GBA1: variants seen among roughly 807,000 people sequenced by gnomAD.
GBA1 encodes lysosomal acid glucosylceramidase.
chr1:155,237,625 G>C, the GBA1 span: 3 of 1,607,390 alleles, frequency 1.9e-6, no homozygotes, highest in Non-Finnish European at 1.7e-6. Context: ...AAGTGGACCA[G>C]ACCAGCTGGG....
chr1:155,236,533 T>C, the GBA1 span: 4 of 1,315,506 alleles, frequency 3.0e-6, no homozygotes, highest in Non-Finnish European at 4.4e-6. Flanking sequence ...CTAGTTCCTG[T>C]TGTAGGAATC....
the GBA1 span, chr1:155,236,505 C>T: frequency 2.0e-6 from 3 of 1,525,752 alleles, no homozygotes; most frequent in African/African-American, 2.7e-5. Context: ...GGACCTTGCA[C>T]ACAGGCTTCT....
At chr1:155,242,686 C>T in the GBA1 span, among the ~76,000 whole-genome samples, 1 of 148,264 alleles carries the variant, frequency 6.7e-6, no homozygotes, top group Non-Finnish European at 1.5e-5. Flanking sequence ...AGTGTGATCT[C>T]GGCTCAAGCA....
chr1:155,238,471 C>T, the GBA1 span: 1 of 1,542,576 alleles, frequency 6.5e-7, no homozygotes, highest in Admixed American at 1.7e-5. Context: ...TTTCTCAACC[C>T]CCAGACATCA....
the GBA1 span, chr1:155,235,380 C>A: frequency 6.3e-7 from 1 of 1,592,916 alleles, no homozygotes; most frequent in Non-Finnish European, 8.5e-7. Flanking sequence ...TAAGAAGTCA[C>A]CCACCCACGG....
chr1:155,236,313 A>T, the GBA1 span: 1 of 1,614,192 alleles, frequency 6.2e-7, no homozygotes, highest in Admixed American at 1.7e-5. Context: ...TGCTCCCAGA[A>T]CTTGGAGCCC....
At chr1:155,238,763 G>A in the GBA1 span, 3 of 1,593,288 alleles carry the variant, frequency 1.9e-6, no homozygotes, top group South Asian at 2.2e-5. Context: ...AGGGAACTTG[G>A]GCTCCTGGGT....
the GBA1 span, among the ~76,000 whole-genome samples, chr1:155,241,888 G>C: frequency 6.6e-6 from 1 of 152,220 alleles, no homozygotes; most frequent in Non-Finnish European, 1.5e-5. Flanking sequence ...TTCATCATCA[G>C]ATGCAGATGG....
the GBA1 span, chr1:155,240,408 G>A: frequency 8.1e-6 from 5 of 614,800 alleles, no homozygotes; most frequent in Admixed American, 1.1e-4. Flanking sequence ...AGGTTGGAAT[G>A]AGCCAAAATT....
chr1:155,238,088 T>C, the GBA1 span: 101 of 1,597,384 alleles, frequency 6.3e-5, no homozygotes, highest in East Asian at 3.3e-4. Flanking sequence ...TCAGCATGGC[T>C]AAATGGGAGG....
At chr1:155,235,206 G>A in the GBA1 span, 339 of 1,612,930 alleles carry the variant, frequency 2.1e-4, no homozygotes, top group Non-Finnish European at 2.7e-4. Context: ...GGTTTAGCAC[G>A]ACCACAACAG....
the GBA1 span, chr1:155,239,633 G>A: frequency 9.9e-6 from 16 of 1,614,190 alleles, no homozygotes; most frequent in Non-Finnish European, 1.3e-5. Flanking sequence ...AGAGAAGTAC[G>A]ATTTAAGTAG....
chr1:155,235,681 C>G, the GBA1 span: 1 of 1,599,114 alleles, frequency 6.3e-7, no homozygotes, highest in Non-Finnish European at 8.5e-7. Context: ...CTCCACTCAC[C>G]TGAAGTGGCC....
the GBA1 span, chr1:155,238,925 AG>A: frequency 1.3e-5 from 6 of 455,486 alleles, no homozygotes; most frequent in Non-Finnish European, 2.4e-5. Context: ...CAGGGTCCAA[AG>A]AAAGGGCAAA....
chr1:155,236,305 C>T, the GBA1 span: 5 of 1,614,078 alleles, frequency 3.1e-6, no homozygotes, highest in Non-Finnish European at 3.4e-6. Context: ...GCACACTCTG[C>T]TCCCAGAACT....
At chr1:155,242,161 T>TA in the GBA1 span, among the ~76,000 whole-genome samples, 1 of 152,302 alleles carries the variant, frequency 6.6e-6, no homozygotes, top group East Asian at 1.9e-4. Context: ...GTCAGTGAGG[T>TA]AAGTGCAGTG....
chr1:155,242,060 A>G, the GBA1 span, among the ~76,000 whole-genome samples: 1 of 152,328 alleles, frequency 6.6e-6, no homozygotes, highest in East Asian at 1.9e-4. Context: ...AGTGGCACAC[A>G]CAGTCATGAC....
chr1:155,237,453 C>T, the GBA1 span: 120 of 1,613,838 alleles, frequency 7.4e-5, no homozygotes, highest in Non-Finnish European at 9.7e-5. Context: ...AATGAAGTCT[C>T]GCTGATGTTC....
the GBA1 span, chr1:155,241,140 G>A: frequency 6.2e-7 from 1 of 1,611,444 alleles, no homozygotes; most frequent in South Asian, 1.1e-5. Context: ...ATGAAGAGAA[G>A]ACCACAGGGG....
Sources: gnomAD v4.1 joint callset for allele counts (sites outside exome capture counted in the v4.1 genomes callset) on GRCh38, gnomAD v4.1.1 for gene constraint, MANE v1.5 for transcripts, NCBI Gene and HGNC (gene_info 2026-07-23, HGNC 2026-07-21) for gene names.